SIRT1: variants seen among roughly 807,000 people sequenced by gnomAD.
SIRT1 encodes the protein sirtuin 1.
A neutral mutation model predicts 67.9 loss-of-function variants in SIRT1; 24 were observed. That is an observed-to-expected ratio of 0.35 (90% CI 0.26 to 0.50). The LOEUF (loss-of-function observed/expected upper bound fraction) is 0.50, where lower values mean the gene tolerates loss of function less well. SIRT1 is among the 20% of genes least tolerant of loss of function. SIRT1 has a pLI of 0.98. For missense variants in SIRT1, 873 were observed against 937.2 expected, an observed-to-expected ratio of 0.93 and a Z score of 0.89; for synonymous variants, 378 against 350.7, an observed-to-expected ratio of 1.08 and a Z score of -0.87.
intron 7 of SIRT1, 136 bp from the exon 8 acceptor site, chr10:67,912,334 TTAAG>T: frequency 1.5e-6 from 1 of 677,768 alleles, no homozygotes; most frequent in Non-Finnish European, 2.4e-6. Flanking sequence ...AATGGCTTGG[TTAAG>T]TATTTAGTGC....
intron 5 of SIRT1, among the ~76,000 whole-genome samples, chr10:67,907,690 T>C (rs1255155053): frequency 6.6e-6 from 1 of 152,076 alleles, no homozygotes; most frequent in Admixed American, 6.6e-5. Flanking sequence ...ACTGCCGAGC[T>C]AAGGTAATAG....
At chr10:67,886,117 G>A (rs145758730) in intron 1 of SIRT1, among the ~76,000 whole-genome samples, 16,818 of 151,448 alleles carry the variant, frequency 0.11, 961 homozygotes, top group South Asian at 0.15. Flanking sequence ...TAATTTTTGT[G>A]TTTTTAGCAG....
In SIRT1 at chr10:67,884,688, G is replaced by C; in HGVS notation, c.-34G>C. On this transcript the variant is annotated 5_prime_UTR_variant, in exon 1 of 9. Coordinates refer to ENST00000212015, the MANE Select transcript of SIRT1 (RefSeq NM_012238.5). Reference sequence around the variant, plus strand: ...CCGCGCGTCGAGCGGGAGCAGAGGAGGCGAGGGAGGAGGGCCAGAGAGGCA... The same window carrying C: ...CCGCGCGTCGAGCGGGAGCAGAGGACGCGAGGGAGGAGGGCCAGAGAGGCA... The C allele has an allele frequency of 1.6e-6, 2 of 1,227,518 alleles. No homozygotes were observed. Among genetic ancestry groups the C allele is most frequent in the Non-Finnish European group, 2.0e-6 (2 of 985,330 alleles). The allele number at this position is 1,227,518 out of a possible 1,614,324, so 76.0% of individuals were successfully genotyped here.
chr10:67,885,455 T>C, intron 1 of SIRT1: 1 of 1,149,132 alleles, frequency 8.7e-7, no homozygotes, highest in Non-Finnish European at 1.1e-6. Context: ...TCTTACTCTT[T>C]TAGCATATTG....
At chr10:67,910,650 T>C (rs1294522590) in intron 7 of SIRT1, among the ~76,000 whole-genome samples, 1 of 152,174 alleles carries the variant, frequency 6.6e-6, no homozygotes. Flanking sequence ...ATTTGGGGGC[T>C]CAGAATGATT....
chr10:67,885,389 G>GCAGCAGC, intron 1 of SIRT1: 1 of 1,230,170 alleles, frequency 8.1e-7, no homozygotes, highest in Non-Finnish European at 1.0e-6. Flanking sequence ...TGTTCTTTCC[G>GCAGCAGC]CAGCAGCCAG....
rs2029956748 is a variant in SIRT1, at chr10:67,917,434, A to G, written c.*841A>G. The G allele has an allele frequency of 6.6e-6, 1 of 152,646 alleles. No individual in the cohort carries two copies. Among genetic ancestry groups the G allele is most frequent in the East Asian group, 1.9e-4 (1 of 5,206 alleles). 9.5% of individuals were successfully genotyped at this position (152,646 alleles called of 1,614,324 possible). ...TGAAATATTTGCCATTGTTGTTTAA[A>G]TACCTATCACTGTGGTAGAGCTTGC... On this transcript the variant is annotated 3_prime_UTR_variant, in exon 9 of 9. Coordinates refer to ENST00000212015, the MANE Select transcript of SIRT1 (RefSeq NM_012238.5).
At position 67,917,846 on chromosome 10, in the gene SIRT1, C is replaced by G. The variant is rs201955286; in HGVS notation, c.*1253C>G. On this transcript the variant is annotated 3_prime_UTR_variant, in exon 9 of 9. Coordinates refer to ENST00000212015, the MANE Select transcript of SIRT1 (RefSeq NM_012238.5). The stretch of plus-strand genomic sequence containing the variant: ...TCAACTTTCTCAGCTGCAAAAGCTT[C>G]TAGTCTTTCAAGAAGTTCATACTTT... The G allele has an allele frequency of 2.6e-5, 4 of 152,548 alleles. No individual in the cohort carries two copies. Among genetic ancestry groups the G allele is most frequent in the African/African-American group, 9.6e-5 (4 of 41,452 alleles). 9.4% of individuals were successfully genotyped at this position (152,548 alleles called of 1,614,324 possible).
chr10:67,905,334 A>G (rs1311005936), intron 4 of SIRT1, among the ~76,000 whole-genome samples: 1 of 152,208 alleles, frequency 6.6e-6, no homozygotes, highest in Non-Finnish European at 1.5e-5. Flanking sequence ...TTCTGTAAAC[A>G]TTGACTTTAT....
At chr10:67,890,887 G>A (rs1000183558) in intron 3 of SIRT1, among the ~76,000 whole-genome samples, 18 of 151,604 alleles carry the variant, frequency 1.2e-4, no homozygotes, top group African/African-American at 4.4e-4. Flanking sequence ...AAAATCAGCC[G>A]GTCGCGGTGG....
chr10:67,903,722 C>G (rs573531533), intron 4 of SIRT1, among the ~76,000 whole-genome samples: 1 of 152,146 alleles, frequency 6.6e-6, no homozygotes, highest in African/African-American at 2.4e-5. Flanking sequence ...TAGTTTTGAC[C>G]ACGTTGGTTG....
intron 6 of SIRT1, 47 bp downstream of exon 6, chr10:67,908,172 TTTC>T: frequency 6.6e-7 from 1 of 1,509,678 alleles, no homozygotes; most frequent in Non-Finnish European, 9.2e-7. Context: ...CTCTGAAGTA[TTTC>T]TTCTTTTGCC....
intron 8 of SIRT1, among the ~76,000 whole-genome samples, chr10:67,913,979 CATT>C (rs1366166269): frequency 1.3e-5 from 2 of 150,514 alleles, no homozygotes; most frequent in Admixed American, 6.6e-5. Context: ...GAGTGATACT[CATT>C]AATACTTTGG....
chr10:67,916,590 A>G lies in SIRT1; in HGVS notation c.2241A>G (p.Ser747=), dbSNP rs778657418. 1.9e-6 allele frequency: 3 copies of G among 1,606,058 alleles called. No individual in the cohort carries two copies. Among genetic ancestry groups the G allele is most frequent in the Non-Finnish European group, 2.6e-6 (3 of 1,174,220 alleles). ...ACATGAACTATCCATCAAACAAATC[A>G]TAGTGTAATAATTGTGCAGGTACAG... ...VTDMNYPSNK[S] is the part of the protein sequence containing the mutation. The change falls in exon 9 of 9, where the codon TCA becomes TCG. Residue 747 remains serine (S), a synonymous_variant. Transcript: ENST00000212015.
intron 4 of SIRT1, among the ~76,000 whole-genome samples, chr10:67,905,536 T>C (rs561246875): frequency 1.3e-5 from 2 of 152,322 alleles, no homozygotes; most frequent in Admixed American, 1.3e-4. Context: ...GAAGCCTGGG[T>C]AGTAGAACCT....
rs1370461783 is a variant in SIRT1 at position 67,908,266 on chromosome 10, G to C, written c.1170+141G>C. The C allele has an allele frequency of 1.3e-5, 8 of 622,396 alleles. 1 individual carries two copies. The highest frequency in any genetic ancestry group is 3.7e-5 in the African/African-American group (2 of 53,616). The allele number at this position is 622,396 out of a possible 1,614,324, so 38.6% of individuals were successfully genotyped here. The stretch of plus-strand genomic sequence containing the variant: ...AAAATAGTTAGCATTTGGGAATTTT[G>C]GTAAAATACACGAGAACCTTTCAAT... On this transcript the variant is annotated intron_variant, in intron 6 of 8. Transcript: ENST00000212015.
At chr10:67,900,336 G>T (rs1310907404) in intron 4 of SIRT1, among the ~76,000 whole-genome samples, 2 of 151,888 alleles carry the variant, frequency 1.3e-5, no homozygotes, top group African/African-American at 2.4e-5. Flanking sequence ...TAGAGATGGG[G>T]GTTTCACCAT....
rs570682537 is a variant in SIRT1 at position 67,896,106 on chromosome 10, T to A, written c.942+4552T>A. On this transcript the variant is annotated intron_variant, in intron 4 of 8. Coordinates refer to ENST00000212015, the MANE Select transcript of SIRT1 (RefSeq NM_012238.5). ...TGTGTTAAGGAAGTTATTGCTCTGT[T>A]AGAGCAGTTTCTTAAATTTGGCACT... Among the ~76,000 whole-genome samples, 675 of 152,282 alleles carry A rather than the reference T, an allele frequency of 4.4e-3. 3 individuals carry two copies. Among genetic ancestry groups the A allele is most frequent in the African/African-American group, 0.015 (632 of 41,560 alleles).
intron 2 of SIRT1, 103 bp downstream of exon 2, chr10:67,887,636 G>A: frequency 1.4e-6 from 1 of 705,876 alleles, no homozygotes; most frequent in Non-Finnish European, 2.4e-6. Context: ...GAGTGCAATG[G>A]CGCGATCTCG....
Sources: gnomAD v4.1 joint callset for allele counts (sites outside exome capture counted in the v4.1 genomes callset) on GRCh38, gnomAD v4.1.1 for gene constraint, MANE v1.5 for transcripts, NCBI Gene and HGNC (gene_info 2026-07-23, HGNC 2026-07-21) for gene names.